SAMD5: variants seen among roughly 807,000 people sequenced by gnomAD.
SAMD5 encodes the protein sterile alpha motif domain containing 5, also known as sterile alpha motif domain-containing protein 5.
In SAMD5, 13 loss-of-function variants were observed where a neutral mutation model predicts 11.3. That is an observed-to-expected ratio of 1.15 (90% CI 0.75 to 1.83). SAMD5 has a LOEUF of 1.83. Ranked by LOEUF, SAMD5 falls within the 40% of genes most tolerant of loss-of-function variation. The pLI, the probability that SAMD5 is intolerant of heterozygous loss-of-function variation, is 0.00. For missense variants in SAMD5, 255 were observed against 239.1 expected (o/e 1.07, Z -0.44); for synonymous variants, 129 against 111.3 (o/e 1.16, Z -1.00).
chr6:147,586,290 G>T (rs1254553739), intron 1 of SAMD5, among the ~76,000 whole-genome samples: 2 of 152,100 alleles, frequency 1.3e-5, no homozygotes, highest in Non-Finnish European at 2.9e-5. Flanking sequence ...ATTTGTCAGG[G>T]TGTGTGTATT....
At chr6:147,754,661 C>G in the SAMD5 span, among the ~76,000 whole-genome samples, 3 of 151,910 alleles carry the variant, frequency 2.0e-5, no homozygotes, top group Admixed American at 6.6e-5. Context: ...GAGATTTTCC[C>G]CGATGTTTTC....
intron 1 of SAMD5, among the ~76,000 whole-genome samples, chr6:147,683,780 A>G (rs915015739): frequency 6.6e-6 from 1 of 152,200 alleles, no homozygotes; most frequent in African/African-American, 2.4e-5. Flanking sequence ...ACAGTAGAAA[A>G]TGCACATGAT....
intron 1 of SAMD5, among the ~76,000 whole-genome samples, chr6:147,735,623 A>G (rs1324474803): frequency 6.6e-6 from 1 of 151,956 alleles, no homozygotes; most frequent in Non-Finnish European, 1.5e-5. Flanking sequence ...TGAAGTTTTT[A>G]AAGTTTCAGA....
intron 1 of SAMD5, among the ~76,000 whole-genome samples, chr6:147,629,523 G>C (rs1004817458): frequency 3.9e-5 from 6 of 152,160 alleles, no homozygotes; most frequent in African/African-American, 1.4e-4. Flanking sequence ...CAACAGGTAT[G>C]AGAAAGGTTT....
At chr6:147,642,164 C>T (rs1374820291) in intron 1 of SAMD5, among the ~76,000 whole-genome samples, 2 of 152,218 alleles carry the variant, frequency 1.3e-5, no homozygotes, top group African/African-American at 4.8e-5. Flanking sequence ...TGCAACCACA[C>T]TGTAAGAATG....
the SAMD5 span, among the ~76,000 whole-genome samples, chr6:147,950,083 C>A: frequency 2.6e-5 from 4 of 152,022 alleles, no homozygotes; most frequent in African/African-American, 7.2e-5. Context: ...GAATATGAAG[C>A]CTGGAATAGA....
chr6:147,698,830 TG>T (rs1791214766), intron 1 of SAMD5, among the ~76,000 whole-genome samples: 2 of 152,122 alleles, frequency 1.3e-5, no homozygotes, highest in African/African-American at 4.8e-5. Flanking sequence ...ATGGAATTCC[TG>T]GGCAGAGTTG....
chr6:147,521,653 C>A (rs544053894), intron 1 of SAMD5, among the ~76,000 whole-genome samples: 2 of 152,048 alleles, frequency 1.3e-5, no homozygotes, highest in East Asian at 3.9e-4. Flanking sequence ...ATCAATGAAG[C>A]AGTATGTAAA....
chr6:147,854,094 G>A, the SAMD5 span, among the ~76,000 whole-genome samples: 3 of 152,072 alleles, frequency 2.0e-5, no homozygotes, highest in South Asian at 2.1e-4. Context: ...GAAAATCATC[G>A]CTCAGGAGGC....
chr6:147,818,338 T>C, the SAMD5 span, among the ~76,000 whole-genome samples: 1 of 152,342 alleles, frequency 6.6e-6, no homozygotes, highest in East Asian at 1.9e-4. Context: ...GAGGAAACTT[T>C]TGGGAAAGAT....
chr6:147,726,424 A>AT (rs1791627416), intron 1 of SAMD5, among the ~76,000 whole-genome samples: 1 of 152,212 alleles, frequency 6.6e-6, no homozygotes, highest in South Asian at 2.1e-4. Context: ...ACTTGTAAAG[A>AT]TTTTATAGTT....
the SAMD5 span, among the ~76,000 whole-genome samples, chr6:147,755,382 T>C: frequency 1.3e-5 from 2 of 152,202 alleles, no homozygotes; most frequent in South Asian, 2.1e-4. Flanking sequence ...TTCAAGAATA[T>C]AGTTAAGGAG....
intron 1 of SAMD5, among the ~76,000 whole-genome samples, chr6:147,670,124 T>C (rs1371972291): frequency 1.3e-5 from 2 of 152,228 alleles, no homozygotes; most frequent in Non-Finnish European, 2.9e-5. Context: ...TCAGAGCTCT[T>C]GGATGACCAG....
chr6:147,774,016 T>C, the SAMD5 span, among the ~76,000 whole-genome samples: 1 of 152,122 alleles, frequency 6.6e-6, no homozygotes, highest in Non-Finnish European at 1.5e-5. Flanking sequence ...CTAATGTTTG[T>C]ATTTTTGTAG....
At chr6:147,578,967 G>T (rs1428051396) in intron 1 of SAMD5, among the ~76,000 whole-genome samples, 1 of 152,242 alleles carries the variant, frequency 6.6e-6, no homozygotes, top group Non-Finnish European at 1.5e-5. Context: ...TCTATGCGTA[G>T]TAAATGTTCA....
At chr6:147,581,123 C>T (rs993060745) in intron 1 of SAMD5, among the ~76,000 whole-genome samples, 1 of 152,150 alleles carries the variant, frequency 6.6e-6, no homozygotes, top group African/African-American at 2.4e-5. Flanking sequence ...GTGATGTGAT[C>T]CCTCCTCACT....
chr6:147,638,500 T>C (rs1243037397), intron 1 of SAMD5, among the ~76,000 whole-genome samples: 2 of 152,230 alleles, frequency 1.3e-5, no homozygotes, highest in African/African-American at 2.4e-5. Context: ...GAATGGAAGA[T>C]GTGAGTGACT....
intron 1 of SAMD5, among the ~76,000 whole-genome samples, chr6:147,619,196 C>T (rs1789920646): frequency 6.6e-6 from 1 of 152,156 alleles, no homozygotes; most frequent in Admixed American, 6.5e-5. Flanking sequence ...CTTTCACAAT[C>T]TTATTTTTTT....
chr6:147,584,868 CAGAA>C (rs1244659789), intron 1 of SAMD5, among the ~76,000 whole-genome samples: 6 of 152,046 alleles, frequency 3.9e-5, no homozygotes, highest in African/African-American at 7.2e-5. Flanking sequence ...GAAAATGTGA[CAGAA>C]AGGAAAGAAG....
Sources: allele counts gnomAD v4.1 joint callset (sites outside exome capture counted in the v4.1 genomes callset), GRCh38; gene constraint gnomAD v4.1.1; transcripts MANE v1.5; gene names NCBI Gene and HGNC (gene_info 2026-07-23, HGNC 2026-07-21).